The following CCN4 variants were observed in gnomAD, a reference collection of about 807,000 sequenced individuals.
The protein encoded by CCN4 is CCN family member 4.
A neutral mutation model predicts 36.7 loss-of-function variants in CCN4; 30 were observed. That is an observed-to-expected ratio of 0.82 (90% CI 0.61 to 1.11). The LOEUF is 1.11. CCN4 is among the 50% of genes least tolerant of loss of function. The pLI, the probability that CCN4 is intolerant of heterozygous loss-of-function variation, is 0.00. For missense variants in CCN4, 505 were observed against 504.9 expected (o/e 1.00, Z 0.00); for synonymous variants, 191 against 195.4 (o/e 0.98, Z 0.19).
At chr8:133,191,273 C>A in intron 1 of CCN4, 60 bp downstream of exon 1, 1 of 1,541,038 alleles carries the variant, frequency 6.5e-7, no homozygotes, top group Non-Finnish European at 8.8e-7. Flanking sequence ...CTGGGTCCTG[C>A]TACATGGGGG....
intron 1 of CCN4, among the ~76,000 whole-genome samples, chr8:133,201,416 G>A (rs910147076): frequency 6.6e-6 from 1 of 152,146 alleles, no homozygotes. Context: ...TTACAAAATT[G>A]TAACTAATTT....
chr8:133,224,522 A>T (rs1854656054), intron 3 of CCN4, among the ~76,000 whole-genome samples: 1 of 151,916 alleles, frequency 6.6e-6, no homozygotes, highest in African/African-American at 2.4e-5. Flanking sequence ...GTGCCCTCTT[A>T]CCCACTATGC....
chr8:133,213,542 A>T (rs557874855), intron 2 of CCN4, among the ~76,000 whole-genome samples: 4 of 152,036 alleles, frequency 2.6e-5, no homozygotes, highest in African/African-American at 9.7e-5. Flanking sequence ...TAAATTAAAA[A>T]ATATGGTTTT....
chr8:133,195,097 G>A (rs1481534760), intron 1 of CCN4, among the ~76,000 whole-genome samples: 1 of 149,456 alleles, frequency 6.7e-6, no homozygotes, highest in Non-Finnish European at 1.5e-5. Context: ...TGTGTGTGGT[G>A]TGCGTGGTGC....
Position 133,220,591 on chromosome 8 carries a change from T to C in CCN4, c.360T>C (p.Gly120=), listed in dbSNP as rs768377164. The C allele has an allele frequency of 1.2e-6, 2 of 1,612,830 alleles. No individual in the cohort carries two copies. Among genetic ancestry groups the C allele is most frequent in the Non-Finnish European group, 8.5e-7 (1 of 1,178,984 alleles). Reference sequence around the variant, plus strand: ...CACCTGTGTTTGCAGAGGTGGTCGGTGTGGGCTGCGTCCTGGATGGGGTGC... The same window carrying C: ...CACCTGTGTTTGCAGAGGTGGTCGGCGTGGGCTGCGTCCTGGATGGGGTGC... ...YAIGVCAQVV[G]VGCVLDGVRY... The change falls in exon 3 of 5, where the codon GGT becomes GGC. Residue 120 remains glycine (G), a synonymous_variant. Transcript: ENST00000250160.
chr8:133,203,426 T>C (rs529086551), intron 1 of CCN4, among the ~76,000 whole-genome samples: 2 of 152,144 alleles, frequency 1.3e-5, no homozygotes, highest in African/African-American at 2.4e-5. Context: ...TGATTACAAG[T>C]AAGGGTTCTG....
In CCN4 at chr8:133,227,714, G is replaced by A. The variant is rs1854797164; in HGVS notation, c.*4G>A. 6.2e-7 allele frequency: 1 copy of A among 1,610,202 alleles called. No individual in the cohort carries two copies. Among genetic ancestry groups the A allele is most frequent in the African/African-American group, 1.3e-5 (1 of 74,860 alleles). Reference sequence around the variant, plus strand: ...CTTCTCAGAAATTGCCAACTAGGCAGGCACAAATCTTGGGTCTTGGGGACT... The same window carrying A: ...CTTCTCAGAAATTGCCAACTAGGCAAGCACAAATCTTGGGTCTTGGGGACT... On this transcript the variant is annotated 3_prime_UTR_variant, in exon 5 of 5. Coordinates refer to ENST00000250160, the MANE Select transcript of CCN4 (RefSeq NM_003882.4).
At chr8:133,204,151 A>T (rs1336142368) in intron 1 of CCN4, among the ~76,000 whole-genome samples, 1 of 152,204 alleles carries the variant, frequency 6.6e-6, no homozygotes, top group Non-Finnish European at 1.5e-5. Context: ...TTAAGGACTT[A>T]GGGGTCTTAT....
intron 3 of CCN4, 64 bp downstream of exon 3, chr8:133,220,905 A>C: frequency 1.3e-6 from 2 of 1,529,140 alleles, no homozygotes; most frequent in Non-Finnish European, 1.8e-6. Flanking sequence ...CCCTCCTGGA[A>C]CTCTGACCAC....
Position 133,227,582 on chromosome 8 carries a change from G to A in CCN4, c.976G>A (p.Asp326Asn). Residue 326 changes from aspartate (D) to asparagine (N), a missense_variant, in exon 5 of 5, where the codon GAT becomes AAT. By Grantham distance (23) the Asp-to-Asn change is conservative. Coordinates refer to ENST00000250160, the MANE Select transcript of CCN4 (RefSeq NM_003882.4). Reference sequence around the variant, plus strand: ...TATCGACGTGTCCTTCCAGTGTCCTGATGGGCTTGGCTTCTCCCGCCAGGT... The same window carrying A: ...TATCGACGTGTCCTTCCAGTGTCCTAATGGGCTTGGCTTCTCCCGCCAGGT... ...KTIDVSFQCP[D>N]GLGFSRQVLW... 6.2e-7 allele frequency: 1 copy of A among 1,614,212 alleles called. No individual in the cohort carries two copies. The highest frequency in any genetic ancestry group is 8.5e-7 in the Non-Finnish European group (1 of 1,180,046).
At chr8:133,201,008 CTCTGTGGTCCTAT>C (rs1564252665) in intron 1 of CCN4, among the ~76,000 whole-genome samples, 31 of 152,234 alleles carry the variant, frequency 2.0e-4, no homozygotes, top group African/African-American at 7.2e-4. Context: ...CTAGGGAGCA[CTCTGTGGTCCTAT>C]TCCCAACCCC....
intron 1 of CCN4, among the ~76,000 whole-genome samples, chr8:133,198,295 G>A (rs996448664): frequency 6.6e-6 from 1 of 152,150 alleles, no homozygotes; most frequent in African/African-American, 2.4e-5. Context: ...CTCTTACAGT[G>A]TCCAAAAATA....
intron 2 of CCN4, among the ~76,000 whole-genome samples, chr8:133,216,356 T>C (rs1020533020): frequency 2.0e-5 from 3 of 152,180 alleles, no homozygotes; most frequent in Non-Finnish European, 4.4e-5. Flanking sequence ...CTGGCTTATA[T>C]AACTCAAACA....
intron 1 of CCN4, among the ~76,000 whole-genome samples, chr8:133,200,270 G>A (rs1218754222): frequency 6.6e-6 from 1 of 152,208 alleles, no homozygotes; most frequent in East Asian, 1.9e-4. Context: ...AAAGTGACTT[G>A]TCCAAGGCCA....
In CCN4 at chr8:133,212,863, G is replaced by T; in HGVS notation, c.70-1G>T. On this transcript the variant is annotated splice_acceptor_variant, in intron 1 of 4. Transcript: ENST00000250160. LOFTEE classifies it high-confidence loss of function. Reference sequence around the variant, plus strand: ...CCTTTCCCTCTGCCCTCCCCCCGCAGGCCCTCTCTCCAGCCCCTACGACCA... The same window carrying T: ...CCTTTCCCTCTGCCCTCCCCCCGCATGCCCTCTCTCCAGCCCCTACGACCA... The T allele has an allele frequency of 6.4e-7, 1 of 1,563,124 alleles. No homozygotes were observed. Among genetic ancestry groups the T allele is most frequent in the Non-Finnish European group, 8.7e-7 (1 of 1,145,264 alleles).
At chr8:133,219,060 G>A (rs1438006167) in intron 2 of CCN4, among the ~76,000 whole-genome samples, 2 of 151,926 alleles carry the variant, frequency 1.3e-5, no homozygotes, top group Non-Finnish European at 2.9e-5. Context: ...TGGGTCTCAG[G>A]GTGGTCCCCC....
intron 1 of CCN4, among the ~76,000 whole-genome samples, chr8:133,207,790 G>A (rs1045061959): frequency 5.3e-5 from 8 of 152,210 alleles, no homozygotes; most frequent in Non-Finnish European, 8.8e-5. Context: ...TGGGCGGCAT[G>A]TGGTTTCTGC....
In CCN4 at chr8:133,229,434, C is replaced by T. The variant is rs1000411788; in HGVS notation, c.*1724C>T. On this transcript the variant is annotated 3_prime_UTR_variant, in exon 5 of 5. Transcript: ENST00000250160. ...AAGCATCCAAAATACATGGGACACACAAAAATCCAGGAATCCCCTGTAGCT... is the reference window on the plus strand; with the variant it reads ...AAGCATCCAAAATACATGGGACACATAAAAATCCAGGAATCCCCTGTAGCT... 1 of 152,178 alleles carries T rather than the reference C, an allele frequency of 6.6e-6. No homozygotes were observed. The highest frequency in any genetic ancestry group is 2.4e-5 in the African/African-American group (1 of 41,444). 9.4% of individuals were successfully genotyped at this position (152,178 alleles called of 1,614,324 possible). A position where few individuals can be genotyped will look rare whatever the true frequency, so the allele number is the denominator to read the frequency against.
rs140814368 is a variant in CCN4, at chr8:133,206,813, G to A, written c.70-6051G>A. ...AGAACTAACTGGGAGGTTCTAAGAT[G>A]TGACCTCGCCACCCCTACACTCCAA... On this transcript the variant is annotated intron_variant, in intron 1 of 4. Coordinates refer to ENST00000250160, the MANE Select transcript of CCN4 (RefSeq NM_003882.4). Among the ~76,000 whole-genome samples the A allele has an allele frequency of 2.9e-4, 44 of 152,260 alleles. No homozygotes were observed. The East Asian group carries it at 4.1e-3, about 14-fold the overall frequency.
Sources: gnomAD v4.1 joint callset for allele counts (sites outside exome capture counted in the v4.1 genomes callset) on GRCh38, gnomAD v4.1.1 for gene constraint, MANE v1.5 for transcripts, NCBI Gene and HGNC (gene_info 2026-07-23, HGNC 2026-07-21) for gene names.